The following UBL3 variants were observed in gnomAD, a reference collection of about 807,000 sequenced individuals.
UBL3 encodes ubiquitin-like protein 3.
UBL3 carries 6 observed loss-of-function variants against 18.4 expected under a neutral mutation model. The ratio of observed to expected loss-of-function variants is 0.33; its 90% CI spans 0.18 to 0.64. The LOEUF (loss-of-function observed/expected upper bound fraction) is 0.64, where lower values mean the gene tolerates loss of function less well. UBL3 is among the 30% of genes least tolerant of loss of function. The pLI is 0.76. For missense variants in UBL3, 109 were observed against 142.9 expected (o/e 0.76, Z 1.21); for synonymous variants, 49 against 46.6 (o/e 1.05, Z -0.21).
intron 1 of UBL3, among the ~76,000 whole-genome samples, chr13:29,822,627 T>G (rs1457135291): frequency 2.6e-5 from 4 of 152,204 alleles, no homozygotes; most frequent in Non-Finnish European, 5.9e-5. Context: ...AGTCTCAAAC[T>G]ACTGGGCTCA....
intron 1 of UBL3, among the ~76,000 whole-genome samples, chr13:29,828,537 A>G (rs1377602998): frequency 2.6e-5 from 4 of 152,074 alleles, no homozygotes; most frequent in Non-Finnish European, 4.4e-5. Flanking sequence ...CAGGTCATTT[A>G]AGGACTTCTC....
intron 1 of UBL3, among the ~76,000 whole-genome samples, chr13:29,779,846 G>A (rs1877100731): frequency 6.6e-6 from 1 of 152,156 alleles, no homozygotes; most frequent in East Asian, 1.9e-4. Context: ...CAAAGTGACT[G>A]TGTCTGGAGG....
At chr13:29,833,384 C>A (rs991253110) in intron 1 of UBL3, among the ~76,000 whole-genome samples, 3 of 150,632 alleles carry the variant, frequency 2.0e-5, no homozygotes, top group African/African-American at 7.5e-5. Flanking sequence ...GACACTGGCA[C>A]CCAAAAATGT....
At chr13:29,800,576 TAA>T (rs2139332158) in intron 1 of UBL3, among the ~76,000 whole-genome samples, 1 of 152,142 alleles carries the variant, frequency 6.6e-6, no homozygotes, top group East Asian at 1.9e-4. Flanking sequence ...CTAACAATGA[TAA>T]AGTGTGAATG....
At chr13:29,778,476 T>G (rs1191482731) in intron 1 of UBL3, among the ~76,000 whole-genome samples, 1 of 152,202 alleles carries the variant, frequency 6.6e-6, no homozygotes. Flanking sequence ...TTGGGTCCAG[T>G]CCAGAGCTGT....
At chr13:29,795,017 A>T (rs1053900684) in intron 1 of UBL3, among the ~76,000 whole-genome samples, 2 of 152,240 alleles carry the variant, frequency 1.3e-5, no homozygotes, top group African/African-American at 4.8e-5. Context: ...AAACATTCTT[A>T]TCTTGACACT....
At chr13:29,770,538 G>T (rs1876814575) in intron 3 of UBL3, among the ~76,000 whole-genome samples, 1 of 151,946 alleles carries the variant, frequency 6.6e-6, no homozygotes, top group Non-Finnish European at 1.5e-5. Context: ...GGTCACAACA[G>T]AAAAGATAAT....
chr13:29,813,768 A>G (rs1252653467), intron 1 of UBL3, among the ~76,000 whole-genome samples: 1 of 152,042 alleles, frequency 6.6e-6, no homozygotes, highest in African/African-American at 2.4e-5. Flanking sequence ...TCCTTCCCTC[A>G]TACTGAGAGA....
intron 1 of UBL3, among the ~76,000 whole-genome samples, chr13:29,793,138 T>C (rs1027237939): frequency 4.4e-4 from 67 of 152,090 alleles, no homozygotes; most frequent in African/African-American, 1.5e-3. Flanking sequence ...AACTATAGAA[T>C]AGTAAAGCGC....
At position 29,767,114 on chromosome 13, in the gene UBL3, T is replaced by C. The variant is rs1876709640; in HGVS notation, c.*141A>G. 1 of 680,578 alleles carries C rather than the reference T, an allele frequency of 1.5e-6. No homozygotes were observed. The highest frequency in any genetic ancestry group is 2.4e-6 in the Non-Finnish European group (1 of 424,290). The allele number at this position is 680,578 out of a possible 1,614,324, so 42.2% of individuals were successfully genotyped here. On this transcript the variant is annotated 3_prime_UTR_variant, in exon 5 of 5. Transcript: ENST00000380680. ...TTCTTTTTACTTTCATGAGAAAAGA[T>C]GACAGTGTTCATGTGGTAATTCAGT...
At chr13:29,813,564 C>T (rs1014577756) in intron 1 of UBL3, among the ~76,000 whole-genome samples, 6 of 151,870 alleles carry the variant, frequency 4.0e-5, no homozygotes, top group African/African-American at 1.5e-4. Flanking sequence ...AACAATGCAA[C>T]AATTAAAAAT....
At chr13:29,843,403 A>G (rs903557778) in intron 1 of UBL3, among the ~76,000 whole-genome samples, 22 of 152,178 alleles carry the variant, frequency 1.4e-4, no homozygotes, top group African/African-American at 5.3e-4. Flanking sequence ...ATTATTAAAT[A>G]TATCTCCATT....
intron 1 of UBL3, among the ~76,000 whole-genome samples, chr13:29,826,482 C>T (rs905208130): frequency 2.1e-4 from 32 of 152,062 alleles, no homozygotes; most frequent in Non-Finnish European, 3.5e-4. Flanking sequence ...AGTTTATTTG[C>T]GTAGAGGTGT....
chr13:29,847,823 C>G (rs915771099), intron 1 of UBL3, among the ~76,000 whole-genome samples: 4 of 152,116 alleles, frequency 2.6e-5, no homozygotes, highest in Non-Finnish European at 4.4e-5. Flanking sequence ...AGACCGCTCC[C>G]GGCAACTTCA....
chr13:29,833,051 C>T (rs909671133), intron 1 of UBL3, among the ~76,000 whole-genome samples: 1 of 152,178 alleles, frequency 6.6e-6, no homozygotes, highest in Admixed American at 6.5e-5. Context: ...ACACAGGGTA[C>T]ATACAAGGGG....
chr13:29,841,843 G>C (rs1038900572), intron 1 of UBL3, among the ~76,000 whole-genome samples: 1 of 152,128 alleles, frequency 6.6e-6, no homozygotes. Context: ...AAATGAGCTC[G>C]GTTGATAATC....
intron 1 of UBL3, among the ~76,000 whole-genome samples, chr13:29,797,907 G>A (rs993763942): frequency 6.6e-6 from 1 of 151,880 alleles, no homozygotes; most frequent in Non-Finnish European, 1.5e-5. Context: ...CTCTTCAAGG[G>A]GAGGAATCAT....
intron 3 of UBL3, among the ~76,000 whole-genome samples, chr13:29,768,684 G>A (rs1593647346): frequency 6.6e-6 from 1 of 151,932 alleles, no homozygotes; most frequent in Non-Finnish European, 1.5e-5. Flanking sequence ...TTTAAAGTTG[G>A]CCAGCCATTA....
At chr13:29,771,402 A>G (rs1446703689) in intron 3 of UBL3, among the ~76,000 whole-genome samples, 3 of 152,112 alleles carry the variant, frequency 2.0e-5, no homozygotes, top group African/African-American at 7.2e-5. Flanking sequence ...TCATATATAA[A>G]GAACAATAAT....
Sources: allele counts gnomAD v4.1 joint callset (sites outside exome capture counted in the v4.1 genomes callset), GRCh38; gene constraint gnomAD v4.1.1; transcripts MANE v1.5; gene names NCBI Gene and HGNC (gene_info 2026-07-23, HGNC 2026-07-21).